The following ARMC9 variants were observed in gnomAD, a reference collection of about 807,000 sequenced individuals.
ARMC9 encodes lisH domain-containing protein ARMC9.
A neutral mutation model predicts 107.0 loss-of-function variants in ARMC9; 94 were observed. That is an observed-to-expected ratio of 0.88 (90% CI 0.74 to 1.04). The LOEUF is 1.04. ARMC9 is among the 50% of genes least tolerant of loss of function. The probability of loss-of-function intolerance (pLI) is 0.00; values close to 1 mark genes in which losing one functional copy is unlikely to be tolerated. For synonymous variants in ARMC9, 380 were observed against 396.9 expected (o/e 0.96, Z 0.51); for missense variants, 942 against 1,030.1 (o/e 0.91, Z 1.17).
intron 22 of ARMC9, among the ~76,000 whole-genome samples, chr2:231,359,343 T>C (rs2045474693): frequency 6.6e-6 from 1 of 152,036 alleles, no homozygotes; most frequent in Admixed American, 6.6e-5. Flanking sequence ...TGCCCCAGCC[T>C]CCCAAAGTGG....
At chr2:231,268,761 T>G (rs2039062878) in intron 12 of ARMC9, among the ~76,000 whole-genome samples, 1 of 152,186 alleles carries the variant, frequency 6.6e-6, no homozygotes, top group Non-Finnish European at 1.5e-5. Flanking sequence ...CCAGTTTTGC[T>G]GTACAGAAAT....
At chr2:231,225,412 T>A (rs941342639) in intron 6 of ARMC9, among the ~76,000 whole-genome samples, 10 of 152,170 alleles carry the variant, frequency 6.6e-5, no homozygotes, top group Non-Finnish European at 1.5e-4. Context: ...TGTACACAAA[T>A]GTTCATAGTA....
chr2:231,260,719 C>T (rs1297263821), intron 11 of ARMC9, among the ~76,000 whole-genome samples: 1 of 152,204 alleles, frequency 6.6e-6, no homozygotes, highest in Non-Finnish European at 1.5e-5. Context: ...TCTCTCTGCT[C>T]AAGCTCTCAA....
chr2:231,369,110 A>G (rs1464591174), intron 23 of ARMC9, among the ~76,000 whole-genome samples: 1 of 152,038 alleles, frequency 6.6e-6, no homozygotes, highest in Non-Finnish European at 1.5e-5. Context: ...TTCCTTAGAC[A>G]TTTTACAGGC....
chr2:231,285,635 G>A (rs1431391933), intron 17 of ARMC9, among the ~76,000 whole-genome samples: 2 of 142,648 alleles, frequency 1.4e-5, no homozygotes, highest in Non-Finnish European at 3.1e-5. Context: ...AACAGGGTGA[G>A]ACTCCGTCTC....
At chr2:231,277,563 T>TC (rs2039868389) in intron 15 of ARMC9, among the ~76,000 whole-genome samples, 1 of 90,462 alleles carries the variant, frequency 1.1e-5, no homozygotes, top group African/African-American at 6.8e-5. Context: ...AGTCCTAGCC[T>TC]TTTTTTTTTT....
intron 19 of ARMC9, among the ~76,000 whole-genome samples, chr2:231,321,769 C>CG (rs1416521902): frequency 6.6e-6 from 1 of 152,114 alleles, no homozygotes; most frequent in Non-Finnish European, 1.5e-5. Context: ...CCATGTGAAG[C>CG]GCGGTGTCTG....
At chr2:231,215,764 A>G (rs2033430517) in intron 4 of ARMC9, among the ~76,000 whole-genome samples, 2 of 152,216 alleles carry the variant, frequency 1.3e-5, no homozygotes, top group African/African-American at 4.8e-5. Flanking sequence ...CAGAACACCA[A>G]CGGTGGGGAC....
intron 1 of ARMC9, among the ~76,000 whole-genome samples, chr2:231,204,312 C>A (rs1357852291): frequency 6.6e-6 from 1 of 152,090 alleles, no homozygotes; most frequent in Non-Finnish European, 1.5e-5. Flanking sequence ...CTGGCCCCGG[C>A]CCCCCATTGC....
At chr2:231,256,315 G>A (rs980845979) in intron 9 of ARMC9, 42 of 1,552,696 alleles carry the variant, frequency 2.7e-5, no homozygotes, top group Non-Finnish European at 3.7e-5. Flanking sequence ...GAGCTTGCTT[G>A]CTCGCTGGGT....
At chr2:231,341,677 G>GAT (rs774215564) in intron 20 of ARMC9, among the ~76,000 whole-genome samples, 3 of 150,330 alleles carry the variant, frequency 2.0e-5, no homozygotes, top group East Asian at 1.9e-4. Context: ...TAGATAGATA[G>GAT]AGTATACCTG....
At chr2:231,202,968 A>G (rs1273056143) in intron 1 of ARMC9, among the ~76,000 whole-genome samples, 1 of 152,186 alleles carries the variant, frequency 6.6e-6, no homozygotes, top group Non-Finnish European at 1.5e-5. Flanking sequence ...TCCCTCCCAG[A>G]TAAGCACAAC....
chr2:231,302,461 T>TTTTG (rs1423962387), intron 19 of ARMC9, among the ~76,000 whole-genome samples: 1 of 146,856 alleles, frequency 6.8e-6, no homozygotes, highest in Non-Finnish European at 1.5e-5. Context: ...TTTTTTTTTT[T>TTTTG]TGCCAATCTC....
intron 19 of ARMC9, among the ~76,000 whole-genome samples, chr2:231,328,026 C>T (rs115131696): frequency 0.013 from 2,048 of 152,256 alleles, 44 homozygotes; most frequent in African/African-American, 0.047. Flanking sequence ...TCAAGTGATT[C>T]GCTCGCCTCG....
At position 231,277,519 on chromosome 2, in the gene ARMC9, T is replaced by A. The variant is rs923725270; in HGVS notation, c.1474+744T>A. On this transcript the variant is annotated intron_variant, in intron 15 of 24. Coordinates refer to ENST00000611582, the MANE Select transcript of ARMC9 (RefSeq NM_001352754.2). ...GTGTTGTTGACTGAGTAAATGACTG[T>A]TATTTCAGTCATTTAAAAAAATAGC... Among the ~76,000 whole-genome samples, 5 of 151,356 alleles carry A rather than the reference T, an allele frequency of 3.3e-5. 1 individual carries two copies. The highest frequency in any genetic ancestry group is 4.2e-4 in the South Asian group (2 of 4,808).
At chr2:231,226,659 C>T (rs1219317700) in intron 6 of ARMC9, 115 bp from the exon 7 acceptor site, 1 of 1,278,532 alleles carries the variant, frequency 7.8e-7, no homozygotes, top group African/African-American at 1.5e-5. Context: ...CCTCCCGGCT[C>T]CGAGAATTCT....
Position 231,372,243 on chromosome 2 carries a change from C to A in ARMC9, c.*708C>A, listed in dbSNP as rs1559514215. The A allele has an allele frequency of 6.6e-6, 1 of 152,350 alleles. No homozygotes were observed. 9.4% of individuals were successfully genotyped at this position (152,350 alleles called of 1,614,324 possible). On this transcript the variant is annotated 3_prime_UTR_variant, in exon 25 of 25. Transcript: ENST00000611582. ...AATTAGCCGGGCGTGGTGGCGGGCG[C>A]TTGTAGTCCCAGCTACTCTGGAGGC... is the stretch of plus-strand genomic sequence containing the variant.
At chr2:231,299,170 A>C (rs1283048054) in intron 19 of ARMC9, among the ~76,000 whole-genome samples, 1 of 152,222 alleles carries the variant, frequency 6.6e-6, no homozygotes, top group Non-Finnish European at 1.5e-5. Context: ...ATACGTTTAT[A>C]TACTAAAATT....
intron 3 of ARMC9, among the ~76,000 whole-genome samples, chr2:231,210,910 C>G (rs1278786084): frequency 6.6e-6 from 1 of 152,270 alleles, no homozygotes; most frequent in Middle Eastern, 3.4e-3. Context: ...ACAACTCCGC[C>G]TTTATCCTCC....
Sources: allele counts gnomAD v4.1 joint callset (sites outside exome capture counted in the v4.1 genomes callset), GRCh38; gene constraint gnomAD v4.1.1; transcripts MANE v1.5; gene names NCBI Gene and HGNC (gene_info 2026-07-23, HGNC 2026-07-21).